Variants in PCDHGB4 observed in about 807,000 individuals in gnomAD.
PCDHGB4 encodes the protein protocadherin gamma subfamily B, 4.
PCDHGB4 carries 38 observed loss-of-function variants against 60.5 expected under a neutral mutation model. The observed-to-expected ratio is 0.63, with a 90% CI of 0.48 to 0.82. The LOEUF is 0.82. Ranked by LOEUF, PCDHGB4 falls within the 40% of genes least tolerant of loss-of-function variation. The pLI is 0.00. For missense variants in PCDHGB4, 1,109 were observed against 1,209.6 expected, an observed-to-expected ratio of 0.92 and a Z score of 1.23; for synonymous variants, 456 against 509.7, an observed-to-expected ratio of 0.89 and a Z score of 1.42.
intron 1 of PCDHGB4, chr5:141,395,381 A>T (rs562557513): frequency 2.7e-6 from 3 of 1,094,770 alleles, no homozygotes; most frequent in Non-Finnish European, 3.8e-6. Flanking sequence ...TGGTGTTACT[A>T]TAAAATTGAA....
At position 141,389,751 on chromosome 5, in the gene PCDHGB4, G is replaced by A. The variant is rs755499740; in HGVS notation, c.1867G>A (p.Glu623Lys). The A allele has an allele frequency of 6.2e-7, 1 of 1,612,800 alleles. No homozygotes were observed. Among genetic ancestry groups the A allele is most frequent in the Non-Finnish European group, 8.5e-7 (1 of 1,179,696 alleles). Residue 623 changes from glutamate (E) to lysine (K), a missense_variant, in exon 1 of 4, where the codon GAA becomes AAA. Around this residue, in one of 2 missense-constraint regions of PCDHGB4, gnomAD observed 1,068 missense variants for 1,089.9 expected, o/e 0.98. Coordinates refer to ENST00000519479, the MANE Select transcript of PCDHGB4 (RefSeq NM_003736.4). ...CTTCAGCCTGGGGCTGCGCACGGGCGAAGTGCGCACAGCGCGTGCCTTAGG... is the reference window on the plus strand; with the variant it reads ...CTTCAGCCTGGGGCTGCGCACGGGCAAAGTGCGCACAGCGCGTGCCTTAGG... ...GLFSLGLRTG[E>K]VRTARALGDR...
At chr5:141,423,745 C>A (rs561499055) in intron 1 of PCDHGB4, 2 of 605,688 alleles carry the variant, frequency 3.3e-6, no homozygotes, top group Non-Finnish European at 4.0e-6. Context: ...GTTATGAAAA[C>A]TGTTTGGGGG....
chr5:141,505,322 G>A, intron 2 of PCDHGB4, 71 bp from the exon 3 acceptor site: 1 of 1,606,332 alleles, frequency 6.2e-7, no homozygotes, highest in African/African-American at 1.3e-5. Context: ...TGGGAGCCCT[G>A]GGAGAGGACA....
At chr5:141,423,982 T>C in intron 1 of PCDHGB4, 3 of 1,106,134 alleles carry the variant, frequency 2.7e-6, no homozygotes, top group Non-Finnish European at 3.4e-6. Flanking sequence ...TGTATGAGGC[T>C]CTCAATTTAT....
At chr5:141,483,323 G>A (rs2099579999) in intron 1 of PCDHGB4, among the ~76,000 whole-genome samples, 1 of 152,104 alleles carries the variant, frequency 6.6e-6, no homozygotes, top group Non-Finnish European at 1.5e-5. Flanking sequence ...GGGACTGGAG[G>A]CAAAGAGATC....
At chr5:141,404,812 GC>G in intron 1 of PCDHGB4, 1 of 1,611,168 alleles carries the variant, frequency 6.2e-7, no homozygotes, top group African/African-American at 1.4e-5. Context: ...TCTCGGTGGG[GC>G]TGCACACAGG....
chr5:141,426,858 T>G (rs898486771), intron 1 of PCDHGB4: 13 of 456,574 alleles, frequency 2.8e-5, no homozygotes, highest in African/African-American at 8.0e-5. Context: ...CGCTCCAGAA[T>G]TAGTGCTGGA....
intron 1 of PCDHGB4, chr5:141,392,651 C>A: frequency 1.4e-6 from 1 of 708,948 alleles, no homozygotes; most frequent in Non-Finnish European, 2.2e-6. Context: ...CGAAGACCCG[C>A]AGATGCCACA....
intron 1 of PCDHGB4, chr5:141,407,930 C>G: frequency 2.0e-6 from 1 of 498,998 alleles, no homozygotes. Context: ...CGCACGGAGC[C>G]TCTGGGCGCC....
chr5:141,422,746 T>G (rs763386007), intron 1 of PCDHGB4: 1 of 1,611,014 alleles, frequency 6.2e-7, no homozygotes, highest in Non-Finnish European at 8.5e-7. Context: ...CTCCTATGTC[T>G]CTATTAACTC....
chr5:141,404,722 G>C (rs1335640902), intron 1 of PCDHGB4: 2 of 1,614,138 alleles, frequency 1.2e-6, no homozygotes, highest in South Asian at 1.1e-5. Flanking sequence ...TGGTGACCAA[G>C]GTGGTGGCAG....
rs770788893 is a variant in PCDHGB4 at position 141,403,151 on chromosome 5, G to T, written c.2397+12870G>T. On this transcript the variant is annotated intron_variant, in intron 1 of 3. Coordinates refer to ENST00000519479, the MANE Select transcript of PCDHGB4 (RefSeq NM_003736.4). ...GCTGGCGGAGCGCCGAGTCCGCATC[G>T]TCTCTAGAGGTAGGACGCAGCTTTT... 1.3e-5 allele frequency: 21 copies of T among 1,613,914 alleles called. No individual in the cohort carries two copies. In the Admixed American group the frequency reaches 3.5e-4, roughly 27 times the overall value.
chr5:141,413,230 C>T (rs2095618383), intron 1 of PCDHGB4: 4 of 1,613,826 alleles, frequency 2.5e-6, no homozygotes, highest in Non-Finnish European at 3.4e-6. Flanking sequence ...CGGGCTGGTC[C>T]TGCTCTGCCT....
intron 1 of PCDHGB4, among the ~76,000 whole-genome samples, chr5:141,479,965 T>C (rs2099510479): frequency 6.6e-6 from 1 of 152,234 alleles, no homozygotes; most frequent in East Asian, 1.9e-4. Context: ...GTTAGTCAAA[T>C]GAGGTTCTAC....
chr5:141,419,196 A>G (rs2096342064), intron 1 of PCDHGB4: 1 of 1,613,994 alleles, frequency 6.2e-7, no homozygotes, highest in Middle Eastern at 1.6e-4. Context: ...ACTGACGTCA[A>G]TGACAACGCG....
chr5:141,467,990 A>G (rs1593103654), intron 1 of PCDHGB4, among the ~76,000 whole-genome samples: 2 of 152,052 alleles, frequency 1.3e-5, no homozygotes, highest in South Asian at 2.1e-4. Context: ...GAAAACCACA[A>G]TTCTTTCTTC....
chr5:141,461,072 A>C (rs555905734), intron 1 of PCDHGB4, among the ~76,000 whole-genome samples: 1 of 151,688 alleles, frequency 6.6e-6, no homozygotes, highest in African/African-American at 2.4e-5. Context: ...ACATTTTTGC[A>C]ATTGTGAATT....
chr5:141,502,655 C>T (rs72790073), intron 2 of PCDHGB4, among the ~76,000 whole-genome samples: 29,437 of 152,034 alleles, frequency 0.19, 2,877 homozygotes, highest in Middle Eastern at 0.24. Context: ...AGGCAGCAAC[C>T]CTTCATGCAA....
intron 1 of PCDHGB4, chr5:141,430,857 A>G: frequency 1.3e-6 from 2 of 1,591,432 alleles, no homozygotes; most frequent in Non-Finnish European, 1.7e-6. Flanking sequence ...CAGATACGCT[A>G]TTCAGTTCCG....
Sources: allele counts gnomAD v4.1 joint callset (sites outside exome capture counted in the v4.1 genomes callset), GRCh38; gene constraint gnomAD v4.1.1; regional missense constraint gnomAD v4.1.1; transcripts MANE v1.5; gene names NCBI Gene and HGNC (gene_info 2026-07-23, HGNC 2026-07-21).